STXBP6: variants seen among roughly 807,000 people sequenced by gnomAD.
The protein encoded by STXBP6 is syntaxin binding protein 6.
Under a neutral mutation model 26.9 loss-of-function variants are expected in STXBP6, and 21 were observed. That is an observed-to-expected ratio of 0.78 (90% confidence interval 0.55 to 1.12). STXBP6 has a LOEUF of 1.12. Among genes scored for constraint, STXBP6 ranks in the 50% most tolerant of loss-of-function variants. STXBP6 has a pLI of 0.00. For synonymous variants in STXBP6, 97 were observed against 92.6 expected (o/e 1.05, Z -0.27); for missense variants, 232 against 257.9 (o/e 0.90, Z 0.69).
At chr14:24,889,250 GCAA>G (rs953222582) in intron 2 of STXBP6, among the ~76,000 whole-genome samples, 22 of 151,310 alleles carry the variant, frequency 1.5e-4, no homozygotes, top group African/African-American at 5.4e-4. Context: ...ACCGTCAAAA[GCAA>G]CCAGGAATAT....
intron 1 of STXBP6, among the ~76,000 whole-genome samples, chr14:25,012,394 C>T (rs776594800): frequency 6.6e-6 from 1 of 151,590 alleles, no homozygotes; most frequent in Non-Finnish European, 1.5e-5. Context: ...TTTGGGAGGC[C>T]GAGGTGGGGG....
chr14:24,874,233 G>A (rs999486425), intron 2 of STXBP6, among the ~76,000 whole-genome samples: 3 of 152,156 alleles, frequency 2.0e-5, no homozygotes, highest in African/African-American at 2.4e-5. Context: ...GCAGGGTGTT[G>A]TGGGGAGGGC....
intron 1 of STXBP6, among the ~76,000 whole-genome samples, chr14:25,018,950 C>T (rs1365460820): frequency 6.6e-6 from 1 of 152,172 alleles, no homozygotes; most frequent in African/African-American, 2.4e-5. Context: ...GGCTAGGGCT[C>T]CTTGGCTGCA....
chr14:24,919,452 A>C (rs1322143845), intron 2 of STXBP6, among the ~76,000 whole-genome samples: 1 of 151,480 alleles, frequency 6.6e-6, no homozygotes, highest in Non-Finnish European at 1.5e-5. Flanking sequence ...AAAAAAAAAC[A>C]AATTTTAAGT....
chr14:25,007,986 TCA>T (rs2074941537), intron 1 of STXBP6, among the ~76,000 whole-genome samples: 1 of 152,176 alleles, frequency 6.6e-6, no homozygotes, highest in African/African-American at 2.4e-5. Context: ...CAGGCCTGGC[TCA>T]CTTTCACCTG....
At chr14:25,031,110 AC>A (rs2075446087) in intron 1 of STXBP6, among the ~76,000 whole-genome samples, 1 of 152,176 alleles carries the variant, frequency 6.6e-6, no homozygotes, top group Non-Finnish European at 1.5e-5. Context: ...ATATTTATAG[AC>A]CTATAAATCT....
chr14:25,019,549 T>C (rs958261915), intron 1 of STXBP6, among the ~76,000 whole-genome samples: 6 of 152,234 alleles, frequency 3.9e-5, no homozygotes, highest in African/African-American at 1.4e-4. Flanking sequence ...ACAGAGTGAA[T>C]TGCCTGGTTG....
At chr14:24,921,923 G>A (rs899448440) in intron 2 of STXBP6, among the ~76,000 whole-genome samples, 2 of 151,774 alleles carry the variant, frequency 1.3e-5, no homozygotes, top group African/African-American at 4.8e-5. Flanking sequence ...CCTTACTGCT[G>A]CCCCTTTCAC....
intron 4 of STXBP6, among the ~76,000 whole-genome samples, chr14:24,855,126 A>C (rs1201233624): frequency 1.3e-5 from 2 of 152,076 alleles, no homozygotes; most frequent in Non-Finnish European, 2.9e-5. Context: ...ATTCTGCTGT[A>C]TGTTCATATG....
intron 2 of STXBP6, chr14:24,878,749 C>A: frequency 2.2e-6 from 1 of 448,354 alleles, no homozygotes; most frequent in South Asian, 1.6e-5. Context: ...CACGTTTCAT[C>A]CTCATTAGCT....
intron 2 of STXBP6, among the ~76,000 whole-genome samples, chr14:24,861,825 G>A (rs2069549084): frequency 6.6e-6 from 1 of 152,134 alleles, no homozygotes; most frequent in African/African-American, 2.4e-5. Context: ...TGCAGGCTAT[G>A]TAACCCAGAG....
At chr14:25,038,695 A>T (rs1456332639) in intron 1 of STXBP6, among the ~76,000 whole-genome samples, 1 of 152,192 alleles carries the variant, frequency 6.6e-6, no homozygotes, top group Non-Finnish European at 1.5e-5. Flanking sequence ...AAGAGCAGAA[A>T]AAATAACTAT....
At chr14:25,009,958 A>G (rs1178144794) in intron 1 of STXBP6, among the ~76,000 whole-genome samples, 4 of 152,202 alleles carry the variant, frequency 2.6e-5, no homozygotes, top group African/African-American at 9.6e-5. Context: ...TAAAACACCT[A>G]AAGATACCAA....
At chr14:24,837,194 T>C (rs1453457027) in intron 4 of STXBP6, among the ~76,000 whole-genome samples, 3 of 152,088 alleles carry the variant, frequency 2.0e-5, no homozygotes, top group Non-Finnish European at 2.9e-5. Flanking sequence ...TGAAAGAAAA[T>C]AGGACAAATT....
intron 1 of STXBP6, among the ~76,000 whole-genome samples, chr14:25,044,720 C>T (rs2075699375): frequency 6.6e-6 from 1 of 152,212 alleles, no homozygotes; most frequent in Admixed American, 6.5e-5. Flanking sequence ...GCATTACAGG[C>T]ATGAGCAACC....
intron 1 of STXBP6, among the ~76,000 whole-genome samples, chr14:25,019,547 A>G (rs991153111): frequency 1.3e-5 from 2 of 152,226 alleles, no homozygotes; most frequent in Non-Finnish European, 2.9e-5. Context: ...AAACAGAGTG[A>G]ATTGCCTGGT....
At chr14:24,968,771 C>T (rs1466896681) in intron 2 of STXBP6, among the ~76,000 whole-genome samples, 1 of 152,004 alleles carries the variant, frequency 6.6e-6, no homozygotes, top group African/African-American at 2.4e-5. Flanking sequence ...TTGACCATGG[C>T]CAGACAACAA....
intron 2 of STXBP6, among the ~76,000 whole-genome samples, chr14:24,953,631 C>A (rs2073243305): frequency 6.6e-6 from 1 of 152,182 alleles, no homozygotes; most frequent in Admixed American, 6.5e-5. Context: ...TGTTTTCTTT[C>A]ATAGAAATCA....
chr14:24,956,365 A>G (rs1359330857), intron 2 of STXBP6, among the ~76,000 whole-genome samples: 1 of 152,206 alleles, frequency 6.6e-6, no homozygotes, highest in East Asian at 1.9e-4. Flanking sequence ...CTAAGTTCTC[A>G]GACGAAGGTT....
Sources: gnomAD v4.1 joint callset for allele counts (sites outside exome capture counted in the v4.1 genomes callset) on GRCh38, gnomAD v4.1.1 for gene constraint, MANE v1.5 for transcripts, NCBI Gene and HGNC (gene_info 2026-07-23, HGNC 2026-07-21) for gene names.